DOCK4: variants seen among roughly 807,000 people sequenced by gnomAD.
DOCK4 encodes the protein dedicator of cytokinesis protein 4.
In DOCK4, 97 loss-of-function variants were observed where a neutral mutation model predicts 268.1. The ratio of observed to expected loss-of-function variants is 0.36; its 90% CI spans 0.31 to 0.43. DOCK4 has a LOEUF of 0.43. Among genes scored for constraint, DOCK4 ranks in the 20% least tolerant of loss-of-function variants. The pLI, the probability that DOCK4 is intolerant of heterozygous loss-of-function variation, is 1.00. For synonymous variants in DOCK4, 954 were observed against 887.2 expected, an observed-to-expected ratio of 1.08 and a Z score of -1.34; for missense variants, 2,145 against 2,455.7, an observed-to-expected ratio of 0.87 and a Z score of 2.67.
intron 1 of DOCK4, among the ~76,000 whole-genome samples, chr7:112,153,153 T>A (rs1001157888): frequency 1.3e-5 from 2 of 152,212 alleles, no homozygotes; most frequent in Non-Finnish European, 2.9e-5. Flanking sequence ...CTTAGATTTA[T>A]GCCTTTGTTA....
chr7:111,805,820 A>G (rs1800626701), intron 30 of DOCK4, among the ~76,000 whole-genome samples: 1 of 152,212 alleles, frequency 6.6e-6, no homozygotes, highest in African/African-American at 2.4e-5. Flanking sequence ...TTTCAAGTGG[A>G]AAAAAGTATA....
chr7:111,860,065 T>G (rs1376825047), intron 23 of DOCK4, among the ~76,000 whole-genome samples: 1 of 152,178 alleles, frequency 6.6e-6, no homozygotes, highest in Non-Finnish European at 1.5e-5. Context: ...AGGATCACAC[T>G]CTCCAGTTAA....
chr7:112,194,553 A>G (rs2116824668), intron 1 of DOCK4, among the ~76,000 whole-genome samples: 1 of 152,344 alleles, frequency 6.6e-6, no homozygotes, highest in Non-Finnish European at 1.5e-5. Flanking sequence ...CACATAAATG[A>G]CAAACTAAAT....
At chr7:112,026,411 C>T (rs1473505178) in intron 1 of DOCK4, among the ~76,000 whole-genome samples, 2 of 152,176 alleles carry the variant, frequency 1.3e-5, no homozygotes, top group Admixed American at 6.5e-5. Context: ...CCCCCACTCA[C>T]CCTTGTCTGT....
intron 3 of DOCK4, among the ~76,000 whole-genome samples, chr7:111,999,326 C>A (rs1586607767): frequency 6.6e-6 from 1 of 152,044 alleles, no homozygotes; most frequent in Admixed American, 6.6e-5. Flanking sequence ...TAGGCAAATT[C>A]TTTCCATTCA....
At chr7:111,780,673 G>A (rs17546328) in intron 35 of DOCK4, among the ~76,000 whole-genome samples, 6,869 of 152,178 alleles carry the variant, frequency 0.045, 266 homozygotes, top group African/African-American at 0.097. Flanking sequence ...ATTTAACCCC[G>A]ATCTTGTAAA....
At chr7:111,944,781 C>T (rs1288111448) in intron 10 of DOCK4, 30 bp downstream of exon 10, 1 of 1,599,722 alleles carries the variant, frequency 6.3e-7, no homozygotes, top group Non-Finnish European at 8.6e-7. Context: ...TGTTCCTTGC[C>T]CCTACTGCAC....
At chr7:111,770,660 ATAATG>A (rs1038180669) in intron 36 of DOCK4, among the ~76,000 whole-genome samples, 10 of 152,236 alleles carry the variant, frequency 6.6e-5, no homozygotes, top group African/African-American at 2.4e-4. Flanking sequence ...AATTTTTCCT[ATAATG>A]TCATAATAGC....
intron 26 of DOCK4, among the ~76,000 whole-genome samples, chr7:111,829,363 T>C (rs1199285858): frequency 6.6e-6 from 1 of 152,218 alleles, no homozygotes; most frequent in Non-Finnish European, 1.5e-5. Context: ...ATAGAATTCC[T>C]AGTTCTCCCA....
chr7:111,881,924 G>A (rs1807425169), intron 16 of DOCK4, among the ~76,000 whole-genome samples: 1 of 152,164 alleles, frequency 6.6e-6, no homozygotes, highest in Admixed American at 6.5e-5. Flanking sequence ...GGTTACCAGT[G>A]GCTGGGAAGG....
At chr7:111,741,242 T>C in intron 46 of DOCK4, 28 bp from the exon 47 acceptor site, 1 of 1,611,854 alleles carries the variant, frequency 6.2e-7, no homozygotes, top group South Asian at 1.1e-5. Context: ...AAAAGGTCAT[T>C]AACTCAGTCT....
intron 1 of DOCK4, among the ~76,000 whole-genome samples, chr7:112,007,704 T>C (rs1324991703): frequency 6.6e-6 from 1 of 152,268 alleles, no homozygotes; most frequent in East Asian, 1.9e-4. Flanking sequence ...TGGTAGCATA[T>C]AATGTATCAT....
intron 13 of DOCK4, among the ~76,000 whole-genome samples, chr7:111,907,602 T>C (rs891163928): frequency 7.9e-5 from 12 of 152,190 alleles, no homozygotes; most frequent in African/African-American, 2.4e-4. Context: ...GTGGCATTCA[T>C]TGGTTAAAGA....
rs2116924468 is a variant in DOCK4 at position 112,206,360 on chromosome 7, C to A, written c.-222G>T. On this transcript the variant is annotated 5_prime_UTR_variant, in exon 1 of 53. Transcript: ENST00000428084. ...GGCGGCTGCTCACAGTCCTCCGACG[C>A]GCTCCCGGGTACCCGGCGGCGCAGT... 1 of 587,600 alleles carries A rather than the reference C, an allele frequency of 1.7e-6. No individual in the cohort carries two copies. The highest frequency in any genetic ancestry group is 3.2e-5 in the Admixed American group (1 of 31,686). The allele number at this position is 587,600 out of a possible 1,614,324, so 36.4% of individuals were successfully genotyped here.
At position 111,937,102 on chromosome 7, in the gene DOCK4, A is replaced by T. The variant is rs531446545; in HGVS notation, c.978-1474T>A. Among the ~76,000 whole-genome samples, 43 of 148,468 alleles carry T rather than the reference A, an allele frequency of 2.9e-4. No individual in the cohort carries two copies. The South Asian group carries it at 9.0e-3, about 31-fold the overall frequency. ...TCATGCTTTTAACCTACAAAACTCA[A>T]AACTCAAAACAAACAAACAAACAAA... On this transcript the variant is annotated intron_variant, in intron 11 of 52. Transcript: ENST00000428084.
chr7:112,144,961 G>A (rs984447656), intron 1 of DOCK4, among the ~76,000 whole-genome samples: 1 of 152,100 alleles, frequency 6.6e-6, no homozygotes, highest in Non-Finnish European at 1.5e-5. Context: ...AAACACTCTT[G>A]CTTGTTAGAA....
chr7:111,858,703 T>G (rs1805219607), intron 23 of DOCK4, among the ~76,000 whole-genome samples: 1 of 152,218 alleles, frequency 6.6e-6, no homozygotes, highest in African/African-American at 2.4e-5. Context: ...GCGTACTGAC[T>G]GCAGATATGA....
chr7:111,782,497 T>C (rs1247476876), intron 35 of DOCK4, among the ~76,000 whole-genome samples: 1 of 152,186 alleles, frequency 6.6e-6, no homozygotes, highest in Non-Finnish European at 1.5e-5. Context: ...AAGAAATTGC[T>C]ACACAAAGTA....
chr7:111,819,517 A>G (rs1163412141), intron 27 of DOCK4: 3 of 152,158 alleles, frequency 2.0e-5, no homozygotes, highest in Non-Finnish European at 4.4e-5. Flanking sequence ...ATGTTATACA[A>G]TATTAGGCAT....
Sources: allele counts gnomAD v4.1 joint callset (sites outside exome capture counted in the v4.1 genomes callset), GRCh38; gene constraint gnomAD v4.1.1; transcripts MANE v1.5; gene names NCBI Gene and HGNC (gene_info 2026-07-23, HGNC 2026-07-21).